ACOXL: variants seen among roughly 807,000 people sequenced by gnomAD.
The protein encoded by ACOXL is acyl-CoA oxidase like.
In ACOXL, 70 loss-of-function variants were observed where a neutral mutation model predicts 71.9. The ratio of observed to expected loss-of-function variants is 0.97; its 90% CI spans 0.80 to 1.19. ACOXL has a LOEUF of 1.19. ACOXL is among the 50% of genes most tolerant of loss of function. The probability of loss-of-function intolerance (pLI) is 0.00; values close to 1 mark genes in which losing one functional copy is unlikely to be tolerated. For synonymous variants in ACOXL, 253 were observed against 281.6 expected, an observed-to-expected ratio of 0.90 and a Z score of 1.02; for missense variants, 703 against 736.3, an observed-to-expected ratio of 0.95 and a Z score of 0.52.
intron 16 of ACOXL, among the ~76,000 whole-genome samples, chr2:111,069,991 C>T (rs1037620519): frequency 6.6e-6 from 1 of 152,050 alleles, no homozygotes; most frequent in African/African-American, 2.4e-5. Flanking sequence ...TGTGACCCCC[C>T]AAATAGAAGA....
At chr2:110,921,545 C>T (rs1351374511) in intron 11 of ACOXL, among the ~76,000 whole-genome samples, 3 of 152,006 alleles carry the variant, frequency 2.0e-5, no homozygotes, top group African/African-American at 7.3e-5. Context: ...AGGTGCCTGC[C>T]ACCACGTCCG....
At chr2:110,933,370 C>A in intron 11 of ACOXL, 119 bp from the exon 12 acceptor site, 1 of 1,244,096 alleles carries the variant, frequency 8.0e-7, no homozygotes, top group Non-Finnish European at 1.1e-6. Context: ...TTAAAATCTG[C>A]ATCACTGACA....
intron 7 of ACOXL, 75 bp downstream of exon 7, chr2:110,799,175 C>G: frequency 4.9e-6 from 7 of 1,423,338 alleles, no homozygotes; most frequent in South Asian, 4.6e-5. Flanking sequence ...AGAATCTAAC[C>G]TACGTTATAT....
At chr2:110,916,838 C>T (rs575242484) in intron 11 of ACOXL, among the ~76,000 whole-genome samples, 6 of 152,146 alleles carry the variant, frequency 3.9e-5, no homozygotes, top group African/African-American at 1.4e-4. Flanking sequence ...GACACATACA[C>T]CCTCCCAAGT....
intron 9 of ACOXL, among the ~76,000 whole-genome samples, chr2:110,805,681 G>C (rs545501158): frequency 6.6e-6 from 1 of 152,240 alleles, no homozygotes; most frequent in Non-Finnish European, 1.5e-5. Flanking sequence ...CAGGGAGAAC[G>C]GGATGTTCAG....
Position 110,871,490 on chromosome 2 carries a change from G to A in ACOXL, c.788+30085G>A, listed in dbSNP as rs115118799. ...ACTGAGAGAGGTATTAATGCCATTC[G>A]TCTCGGGGGACTGCAGATTTCATTC... On this transcript the variant is annotated intron_variant, in intron 10 of 17. Transcript: ENST00000439055. Among the ~76,000 whole-genome samples, 583 of 152,128 alleles carry A rather than the reference G, an allele frequency of 3.8e-3. 8 individuals are homozygous for A. Among genetic ancestry groups the A allele is most frequent in the African/African-American group, 0.014 (564 of 41,504 alleles).
At chr2:110,900,086 TACACACACAC>T (rs60758688) in intron 10 of ACOXL, among the ~76,000 whole-genome samples, 2,507 of 143,302 alleles carry the variant, frequency 0.017, 60 homozygotes, top group African/African-American at 0.056. Context: ...CACACACACA[TACACACACAC>T]ACACACACAC....
chr2:110,909,475 C>T lies in ACOXL; in HGVS notation c.905+570C>T, dbSNP rs185391834. ...TTGTGTGTCGTGTTATCATCATCCC[C>T]GCATTATAAAGATAAGAAACTTAAG... On this transcript the variant is annotated intron_variant, in intron 11 of 17. Transcript: ENST00000439055. Among the ~76,000 whole-genome samples the T allele has an allele frequency of 9.2e-5, 14 of 152,124 alleles. No individual in the cohort carries two copies. The East Asian group carries it at 2.5e-3, about 27-fold the overall frequency.
intron 9 of ACOXL, among the ~76,000 whole-genome samples, chr2:110,838,873 C>A (rs1181433910): frequency 6.6e-6 from 1 of 152,236 alleles, no homozygotes. Flanking sequence ...TGTGCCCTTG[C>A]AGGTCCTGTT....
intron 15 of ACOXL, among the ~76,000 whole-genome samples, chr2:111,043,827 C>G (rs2065896585): frequency 6.6e-6 from 1 of 152,194 alleles, no homozygotes; most frequent in Non-Finnish European, 1.5e-5. Context: ...TCTGCCACAA[C>G]TAAGAGGAAG....
At chr2:110,882,515 G>A (rs1696793076) in intron 10 of ACOXL, among the ~76,000 whole-genome samples, 1 of 151,972 alleles carries the variant, frequency 6.6e-6, no homozygotes, top group South Asian at 2.1e-4. Context: ...GATCATAAAA[G>A]GTCTTTTGGT....
intron 12 of ACOXL, among the ~76,000 whole-genome samples, chr2:110,945,865 T>C (rs2061085640): frequency 6.6e-6 from 1 of 152,232 alleles, no homozygotes; most frequent in Admixed American, 6.5e-5. Context: ...CTAGTTTTTT[T>C]TTTTCTAATT....
chr2:110,937,762 A>G (rs116111739), intron 12 of ACOXL, among the ~76,000 whole-genome samples: 1 of 152,104 alleles, frequency 6.6e-6, no homozygotes, highest in Non-Finnish European at 1.5e-5. Flanking sequence ...ATATTTCAAC[A>G]CACATTTACT....
At chr2:111,087,321 C>T (rs186554003) in intron 16 of ACOXL, among the ~76,000 whole-genome samples, 1 of 151,800 alleles carries the variant, frequency 6.6e-6, no homozygotes. Context: ...TCATATAGAA[C>T]CAAAAAAGAG....
intron 1 of ACOXL, among the ~76,000 whole-genome samples, chr2:110,764,299 G>T (rs1347802666): frequency 6.6e-6 from 1 of 152,030 alleles, no homozygotes; most frequent in African/African-American, 2.4e-5. Context: ...ATAAATGGTG[G>T]TACCTCCAGG....
chr2:111,108,369 A>ATTTTT (rs1173842815), intron 17 of ACOXL, among the ~76,000 whole-genome samples: 40 of 62,038 alleles, frequency 6.4e-4, no homozygotes, highest in Non-Finnish European at 7.3e-4. Context: ...AAGTGCATGA[A>ATTTTT]TCTTTTTTTT....
intron 13 of ACOXL, among the ~76,000 whole-genome samples, chr2:110,989,306 G>A (rs1460168781): frequency 6.6e-6 from 1 of 152,102 alleles, no homozygotes; most frequent in Admixed American, 6.6e-5. Context: ...GTCTATTTGA[G>A]AGTTTGTCTT....
chr2:110,934,958 G>T (rs1205740166), intron 12 of ACOXL, among the ~76,000 whole-genome samples: 1 of 152,202 alleles, frequency 6.6e-6, no homozygotes, highest in East Asian at 1.9e-4. Context: ...GGCGCGATGT[G>T]ACTCTCCTTA....
intron 14 of ACOXL, chr2:111,016,675 G>A (rs1467698591): frequency 6.5e-6 from 1 of 152,982 alleles, no homozygotes; most frequent in African/African-American, 2.4e-5. Context: ...ACTTTGCAGT[G>A]TTACATCGAA....
Sources: allele counts gnomAD v4.1 joint callset (sites outside exome capture counted in the v4.1 genomes callset), GRCh38; gene constraint gnomAD v4.1.1; transcripts MANE v1.5; gene names NCBI Gene and HGNC (gene_info 2026-07-23, HGNC 2026-07-21).